CDH1: variants seen among roughly 807,000 people sequenced by gnomAD.
CDH1 encodes the protein cadherin-1.
Under a neutral mutation model 84.5 loss-of-function variants are expected in CDH1, and 35 were observed. The ratio of observed to expected loss-of-function variants is 0.41; its 90% CI spans 0.32 to 0.55. The LOEUF (loss-of-function observed/expected upper bound fraction) is 0.55. CDH1 is among the 20% of genes least tolerant of loss of function. The pLI is 0.19. For synonymous variants in CDH1, 417 were observed against 439.0 expected, an observed-to-expected ratio of 0.95 and a Z score of 0.63; for missense variants, 994 against 1,126.6, an observed-to-expected ratio of 0.88 and a Z score of 1.68.
At chr16:68,748,783 AAGAGGTTGGG>A (rs1287091005) in intron 2 of CDH1, among the ~76,000 whole-genome samples, 1 of 152,250 alleles carries the variant, frequency 6.6e-6, no homozygotes, top group African/African-American at 2.4e-5. Flanking sequence ...GGTTTTGAGA[AAGAGGTTGGG>A]AGAGGTGTTA....
chr16:68,814,789 G>A (rs966224604), intron 9 of CDH1, among the ~76,000 whole-genome samples: 1 of 152,014 alleles, frequency 6.6e-6, no homozygotes, highest in Non-Finnish European at 1.5e-5. Context: ...GCGCAGTAGT[G>A]TATGGCGGTG....
chr16:68,765,978 G>A (rs1345528980), intron 2 of CDH1, among the ~76,000 whole-genome samples: 2 of 151,762 alleles, frequency 1.3e-5, no homozygotes, highest in Admixed American at 6.6e-5. Context: ...ATTTTATATC[G>A]GCCAGGCACG....
chr16:68,833,818 G>C lies in CDH1; in HGVS notation c.*319G>C, dbSNP rs1961564487. 1 of 404,372 alleles carries C rather than the reference G, an allele frequency of 2.5e-6. No homozygotes were observed. Among genetic ancestry groups the C allele is most frequent in the Non-Finnish European group, 4.5e-6 (1 of 221,402 alleles). The allele number at this position is 404,372 out of a possible 1,614,324, so 25.0% of individuals were successfully genotyped here. On this transcript the variant is annotated 3_prime_UTR_variant, in exon 16 of 16. Transcript: ENST00000261769. ...CATCAGAAGGTTCACCCAGCACCTT[G>C]CAGATTTTCTTAAGGAATTTTGTCT...
At chr16:68,827,830 C>G (rs188124477) in intron 13 of CDH1, among the ~76,000 whole-genome samples, 2 of 152,158 alleles carry the variant, frequency 1.3e-5, no homozygotes, top group Admixed American at 6.6e-5. Context: ...CTCCATCACA[C>G]CAAACATGCT....
chr16:68,791,468 G>A (rs967229395), intron 2 of CDH1, among the ~76,000 whole-genome samples: 1 of 152,104 alleles, frequency 6.6e-6, no homozygotes, highest in Non-Finnish European at 1.5e-5. Flanking sequence ...TGTCGCCCAG[G>A]CTGGAGTGCA....
chr16:68,753,212 C>CAA (rs55703202), intron 2 of CDH1, among the ~76,000 whole-genome samples: 37,441 of 69,980 alleles, frequency 0.54, 10,924 homozygotes, highest in Non-Finnish European at 0.65. Flanking sequence ...GACTCAGTCT[C>CAA]AAAAAAAAAA....
intron 2 of CDH1, chr16:68,742,624 T>C (rs1254540238): frequency 6.5e-6 from 1 of 152,674 alleles, no homozygotes; most frequent in Non-Finnish European, 1.5e-5. Flanking sequence ...GTTTTGCTCT[T>C]GTTGCCCAGG....
At chr16:68,805,470 G>A (rs1227034843) in intron 3 of CDH1, among the ~76,000 whole-genome samples, 1 of 152,204 alleles carries the variant, frequency 6.6e-6, no homozygotes, top group Non-Finnish European at 1.5e-5. Context: ...CAGTCCTGGT[G>A]TCAGCAAGGC....
At chr16:68,757,402 C>T (rs911883015) in intron 2 of CDH1, among the ~76,000 whole-genome samples, 15 of 152,080 alleles carry the variant, frequency 9.9e-5, no homozygotes, top group Non-Finnish European at 2.1e-4. Context: ...TTTGAAACTT[C>T]CTGTAAGTTG....
chr16:68,766,173 C>T (rs924920204), intron 2 of CDH1, among the ~76,000 whole-genome samples: 1 of 152,114 alleles, frequency 6.6e-6, no homozygotes, highest in Non-Finnish European at 1.5e-5. Context: ...GCAGGAGAAT[C>T]GCTTGAACCC....
intron 2 of CDH1, among the ~76,000 whole-genome samples, chr16:68,759,761 A>G (rs1963115597): frequency 6.6e-6 from 1 of 152,208 alleles, no homozygotes; most frequent in Non-Finnish European, 1.5e-5. Context: ...TGCTAGGATT[A>G]TAGATTATAG....
At chr16:68,830,040 C>T (rs1452612912) in intron 15 of CDH1, among the ~76,000 whole-genome samples, 1 of 150,892 alleles carries the variant, frequency 6.6e-6, no homozygotes, top group Non-Finnish European at 1.5e-5. Flanking sequence ...TCACCACAAC[C>T]TCTGCCCGGG....
At chr16:68,813,589 T>C in intron 9 of CDH1, 94 bp downstream of exon 9, 2 of 1,267,976 alleles carry the variant, frequency 1.6e-6, no homozygotes, top group Non-Finnish European at 1.2e-6. Context: ...AGATTCGCTT[T>C]GGCAGGGGGA....
intron 8 of CDH1, among the ~76,000 whole-genome samples, chr16:68,812,485 A>C (rs1960866804): frequency 6.6e-6 from 1 of 152,226 alleles, no homozygotes; most frequent in Non-Finnish European, 1.5e-5. Flanking sequence ...TGAAGTTGCA[A>C]AAAGCACCTA....
chr16:68,765,788 G>T (rs1959362224), intron 2 of CDH1, among the ~76,000 whole-genome samples: 1 of 151,150 alleles, frequency 6.6e-6, no homozygotes, highest in African/African-American at 2.4e-5. Context: ...AAATTTCCCT[G>T]TCACAGTTGG....
chr16:68,760,882 G>A (rs1959214813), intron 2 of CDH1, among the ~76,000 whole-genome samples: 1 of 152,166 alleles, frequency 6.6e-6, no homozygotes. Context: ...ACAGGAATAC[G>A]GGGAGACTCT....
Position 68,833,588 on chromosome 16 carries a change from A to G in CDH1, c.*89A>G. 9.9e-7 allele frequency: 1 copy of G among 1,015,104 alleles called. No individual in the cohort carries two copies. The highest frequency in any genetic ancestry group is 1.6e-6 in the Non-Finnish European group (1 of 641,212). The allele number at this position is 1,015,104 out of a possible 1,614,324, so 62.9% of individuals were successfully genotyped here. On this transcript the variant is annotated 3_prime_UTR_variant, in exon 16 of 16. Coordinates refer to ENST00000261769, the MANE Select transcript of CDH1 (RefSeq NM_004360.5). ...GGTTTTTCAGCTCCCTTCCCTTGAG[A>G]TGAGTTTCTGGGGAAAAAAAAGAGA...
intron 2 of CDH1, among the ~76,000 whole-genome samples, chr16:68,757,785 CCTTCCTTT>C (rs1302801147): frequency 6.7e-6 from 1 of 148,900 alleles, no homozygotes; most frequent in Non-Finnish European, 1.5e-5. Flanking sequence ...TTCCTTCCTT[CCTTCCTTT>C]CTTTCTTTCT....
At chr16:68,740,308 C>T (rs575265109) in intron 2 of CDH1, among the ~76,000 whole-genome samples, 8 of 152,056 alleles carry the variant, frequency 5.3e-5, no homozygotes, top group African/African-American at 9.6e-5. Flanking sequence ...GGAAGTCATT[C>T]GAAGTTTTTT....
Sources: gnomAD v4.1 joint callset for allele counts (sites outside exome capture counted in the v4.1 genomes callset) on GRCh38, gnomAD v4.1.1 for gene constraint, MANE v1.5 for transcripts, NCBI Gene and HGNC (gene_info 2026-07-23, HGNC 2026-07-21) for gene names.